The following HOGA1 variants were observed in gnomAD, a reference collection of about 807,000 sequenced individuals.
HOGA1 encodes 4-hydroxy-2-oxoglutarate aldolase, mitochondrial.
In HOGA1, 30 loss-of-function variants were observed where a neutral mutation model predicts 34.3. The ratio of observed to expected loss-of-function variants is 0.87; its 90% CI spans 0.65 to 1.19. The LOEUF is 1.19. HOGA1 is among the 50% of genes most tolerant of loss of function. The probability of loss-of-function intolerance (pLI) is 0.00; values close to 1 mark genes in which losing one functional copy is unlikely to be tolerated. For missense variants in HOGA1, 417 were observed against 436.5 expected (o/e 0.96, Z 0.40); for synonymous variants, 161 against 174.0 (o/e 0.93, Z 0.59).
chr10:97,590,051 A>G (rs2041006032), intron 1 of HOGA1: 1 of 1,614,148 alleles, frequency 6.2e-7, no homozygotes, highest in Non-Finnish European at 8.5e-7. Flanking sequence ...CCTCGACAAC[A>G]ATGCCAGCGC....
intron 5 of HOGA1, chr10:97,600,531 AT>A: frequency 5.6e-6 from 2 of 357,416 alleles, no homozygotes; most frequent in Non-Finnish European, 1.1e-5. Flanking sequence ...TCAGGAGTCC[AT>A]TTTCCTCTCC....
chr10:97,595,705 A>G (rs1189761201), intron 1 of HOGA1, among the ~76,000 whole-genome samples: 1 of 152,218 alleles, frequency 6.6e-6, no homozygotes, highest in African/African-American at 2.4e-5. Flanking sequence ...AAAACAAAAC[A>G]AAACAAAACT....
chr10:97,584,491 G>T lies in HOGA1; in HGVS notation c.-213G>T, dbSNP rs1442651215. On this transcript the variant is annotated 5_prime_UTR_variant, in exon 1 of 7. Coordinates refer to ENST00000370646, the MANE Select transcript of HOGA1 (RefSeq NM_138413.4). ...GACACTGGGTTGTGGCATCTCTCTA[G>T]CTGCTACCCAGAAGGAACAGGGCCC... The T allele has an allele frequency of 3.5e-6, 2 of 564,832 alleles. No homozygotes were observed. Among genetic ancestry groups the T allele is most frequent in the East Asian group, 2.8e-5 (1 of 35,270 alleles). The allele number at this position is 564,832 out of a possible 1,614,324, so 35.0% of individuals were successfully genotyped here.
intron 6 of HOGA1, among the ~76,000 whole-genome samples, chr10:97,607,105 T>TAAAAA (rs754597119): frequency 7.6e-6 from 1 of 131,716 alleles, no homozygotes; most frequent in Non-Finnish European, 1.6e-5. Flanking sequence ...CCCCATCTCT[T>TAAAAA]AAAAAAAAAA....
At chr10:97,599,320 C>T (rs780089572) in intron 3 of HOGA1, 104 bp downstream of exon 3, 24 of 1,370,432 alleles carry the variant, frequency 1.8e-5, no homozygotes, top group Middle Eastern at 3.6e-4. Flanking sequence ...CTATAGGAAA[C>T]GGGTGGACTG....
At chr10:97,599,890 C>T in intron 4 of HOGA1, 76 bp downstream of exon 4, 1 of 1,602,050 alleles carries the variant, frequency 6.2e-7, no homozygotes, top group Non-Finnish European at 8.6e-7. Flanking sequence ...CTGAGGGCAG[C>T]TCTGAGATCT....
intron 3 of HOGA1, 73 bp from the exon 4 acceptor site, chr10:97,599,607 G>A: frequency 6.3e-7 from 1 of 1,594,702 alleles, no homozygotes; most frequent in East Asian, 2.2e-5. Context: ...GGACCTGTGG[G>A]TGGGCAAGTC....
rs756219305 is a variant in HOGA1, at chr10:97,590,527, C to A, written c.211+5613C>A. Reference sequence around the variant, plus strand: ...ACAGTCACCACAGTCACCATGGCCACCCAAGCCACCAGAGCCACAGCCTGC... The same window carrying A: ...ACAGTCACCACAGTCACCATGGCCAACCAAGCCACCAGAGCCACAGCCTGC... On this transcript the variant is annotated intron_variant, in intron 1 of 6. Coordinates refer to ENST00000370646, the MANE Select transcript of HOGA1 (RefSeq NM_138413.4). 2.5e-6 allele frequency: 4 copies of A among 1,612,524 alleles called. No homozygotes were observed. In the South Asian group the frequency reaches 3.3e-5, roughly 13 times the overall value.
rs1202904358 is a variant in HOGA1 at position 97,611,625 on chromosome 10, T to C, written c.950T>C (p.Leu317Pro). ...CTGAGCCCCGCTGAGGAGGAGGCACTGCGCATGGATTTCACCAGCAACGGC... is the reference window on the plus strand; with the variant it reads ...CTGAGCCCCGCTGAGGAGGAGGCACCGCGCATGGATTTCACCAGCAACGGC... The part of the protein sequence containing the change: ...QELSPAEEEA[L>P]RMDFTSNGWL The change falls in exon 7 of 7, where the codon CTG becomes CCG. Residue 317 changes from leucine to proline, a missense_variant. By Grantham distance (98) the Leu-to-Pro change is moderately conservative. Transcript: ENST00000370646. 2 of 1,614,088 alleles carry C rather than the reference T, an allele frequency of 1.2e-6. No individual in the cohort carries two copies. Among genetic ancestry groups the C allele is most frequent in the Non-Finnish European group, 1.7e-6 (2 of 1,180,026 alleles).
At chr10:97,596,385 A>G (rs1170168688) in intron 1 of HOGA1, among the ~76,000 whole-genome samples, 1 of 152,238 alleles carries the variant, frequency 6.6e-6, no homozygotes, top group African/African-American at 2.4e-5. Flanking sequence ...GGCCGCAGCA[A>G]GAACCTGCCC....
intron 6 of HOGA1, among the ~76,000 whole-genome samples, chr10:97,608,751 A>G (rs1350875475): frequency 6.6e-6 from 1 of 151,978 alleles, no homozygotes; most frequent in Non-Finnish European, 1.5e-5. Context: ...AGTTGCAGTG[A>G]GCCGAGATCG....
At chr10:97,585,478 A>G (rs1360366409) in intron 1 of HOGA1, among the ~76,000 whole-genome samples, 2 of 152,196 alleles carry the variant, frequency 1.3e-5, no homozygotes, top group African/African-American at 4.8e-5. Flanking sequence ...AACAATCAAC[A>G]TGTAACAGAG....
chr10:97,606,202 G>C (rs1178218083), intron 6 of HOGA1, among the ~76,000 whole-genome samples: 3 of 150,560 alleles, frequency 2.0e-5, no homozygotes, highest in Non-Finnish European at 4.4e-5. Flanking sequence ...TCAGGAAGCT[G>C]AGGCAGGAGA....
chr10:97,596,537 G>T (rs2041073009), intron 1 of HOGA1, among the ~76,000 whole-genome samples: 1 of 152,242 alleles, frequency 6.6e-6, no homozygotes, highest in South Asian at 2.1e-4. Context: ...ACCCAGGGCT[G>T]GCAGCTTTTA....
Position 97,584,630 on chromosome 10 carries a change from A to G in HOGA1, c.-74A>G. On this transcript the variant is annotated 5_prime_UTR_variant, in exon 1 of 7. In the 5' UTR this introduces an upstream ATG that the reference lacks. Transcript: ENST00000370646. ...TTAACTAGAAACATTGATCATTAAT[A>G]GGGGGTTAGAAAGAGTTCAAACTAA... The G allele has an allele frequency of 6.2e-6, 8 of 1,292,970 alleles. No homozygotes were observed. The highest frequency in any genetic ancestry group is 6.5e-6 in the Non-Finnish European group (6 of 922,808). The allele number at this position is 1,292,970 out of a possible 1,614,324, so 80.1% of individuals were successfully genotyped here.
rs899827079 is a variant in HOGA1, at chr10:97,612,315, G to T, written c.*656G>T. The T allele has an allele frequency of 9.2e-5, 14 of 152,550 alleles. No homozygotes were observed. The highest frequency in any genetic ancestry group is 3.3e-4 in the Admixed American group (5 of 15,274). The allele number at this position is 152,550 out of a possible 1,614,324, so 9.4% of individuals were successfully genotyped here. The stretch of plus-strand genomic sequence containing the variant: ...GCACCCGGCCGGGAATTTATCAAAG[G>T]GGGGACTACTTAGATTTGGGGCTTC... On this transcript the variant is annotated 3_prime_UTR_variant, in exon 7 of 7. Transcript: ENST00000370646.
chr10:97,590,088 G>A lies in HOGA1; in HGVS notation c.211+5174G>A, dbSNP rs562397606. The stretch of plus-strand genomic sequence containing the variant: ...AGTGGCAATGCTACCCAGACTGAGA[G>A]TGGGAGTGAAGAGGTCAGCTCCACG... On this transcript the variant is annotated intron_variant, in intron 1 of 6. Coordinates refer to ENST00000370646, the MANE Select transcript of HOGA1 (RefSeq NM_138413.4). The A allele has an allele frequency of 3.0e-4, 484 of 1,614,208 alleles. 2 individuals are homozygous for A. In the South Asian group the frequency reaches 5.1e-3, roughly 17 times the overall value.
At position 97,596,090 on chromosome 10, in the gene HOGA1, C is replaced by T. The variant is rs191736328; in HGVS notation, c.212-2685C>T. ...AGATGTGATGTGACTTGTTCAATAT[C>T]CAGAGGTGACTCTTGAGTCTAGTGC... is the stretch of plus-strand genomic sequence containing the variant. On this transcript the variant is annotated intron_variant, in intron 1 of 6. Transcript: ENST00000370646. 1.8e-3 allele frequency among the ~76,000 whole-genome samples: 271 copies of T among 152,340 alleles called. 1 individual carries two copies. The highest frequency in any genetic ancestry group is 6.4e-3 in the African/African-American group (265 of 41,570).
At chr10:97,591,858 T>TGTGTGTGA (rs760814873) in intron 1 of HOGA1, among the ~76,000 whole-genome samples, 5 of 147,238 alleles carry the variant, frequency 3.4e-5, no homozygotes, top group South Asian at 2.2e-4. Flanking sequence ...TGTGTGTGTG[T>TGTGTGTGA]GACAGAGTCT....
Sources: gnomAD v4.1 joint callset for allele counts (sites outside exome capture counted in the v4.1 genomes callset) on GRCh38, gnomAD v4.1.1 for gene constraint, MANE v1.5 for transcripts, NCBI Gene and HGNC (gene_info 2026-07-23, HGNC 2026-07-21) for gene names.